Variants in NRG3 observed in about 807,000 individuals in gnomAD.
NRG3 encodes pro-neuregulin-3, membrane-bound isoform.
NRG3 carries 31 observed loss-of-function variants against 66.9 expected under a neutral mutation model. That is an observed-to-expected ratio of 0.46 (90% CI 0.35 to 0.63). The LOEUF (loss-of-function observed/expected upper bound fraction) is 0.63, where lower values mean the gene tolerates loss of function less well. Among genes scored for constraint, NRG3 ranks in the 20% least tolerant of loss-of-function variants. The pLI, the probability that NRG3 is intolerant of heterozygous loss-of-function variation, is 0.00. For synonymous variants in NRG3, 393 were observed against 359.4 expected (o/e 1.09, Z -1.06); for missense variants, 910 against 878.9 (o/e 1.04, Z -0.45).
intron 4 of NRG3, among the ~76,000 whole-genome samples, chr10:82,883,294 A>G (rs1178788897): frequency 6.6e-6 from 1 of 152,114 alleles, no homozygotes; most frequent in Non-Finnish European, 1.5e-5. Flanking sequence ...TAAATGATAT[A>G]TTATTATTAA....
intron 3 of NRG3, among the ~76,000 whole-genome samples, chr10:82,826,722 C>T (rs775187468): frequency 6.6e-6 from 1 of 151,932 alleles, no homozygotes; most frequent in Non-Finnish European, 1.5e-5. Context: ...TGCACATGGA[C>T]GCAAAGATGG....
chr10:82,897,734 G>A (rs1298918556), intron 4 of NRG3, among the ~76,000 whole-genome samples: 5 of 152,042 alleles, frequency 3.3e-5, no homozygotes, highest in Non-Finnish European at 7.4e-5. Flanking sequence ...TGGCCAGACT[G>A]GTCTCGAACT....
rs377761800 is a variant in NRG3 at position 82,712,639 on chromosome 10, G to A, written c.954-25938G>A. ...CAGAGAGGCTGGATGCTCGCAATGGGAGTCAGATGGCAAAGTTAAAGATGC... is the reference window on the plus strand; with the variant it reads ...CAGAGAGGCTGGATGCTCGCAATGGAAGTCAGATGGCAAAGTTAAAGATGC... On this transcript the variant is annotated intron_variant, in intron 2 of 8. Transcript: ENST00000372141. Among the ~76,000 whole-genome samples the A allele has an allele frequency of 3.2e-4, 48 of 152,240 alleles. No homozygotes were observed. The South Asian group carries it at 7.7e-3, about 24-fold the overall frequency.
intron 4 of NRG3, among the ~76,000 whole-genome samples, chr10:82,885,753 G>T (rs1161676447): frequency 6.6e-6 from 1 of 152,152 alleles, no homozygotes; most frequent in Non-Finnish European, 1.5e-5. Context: ...TTTGAGACGG[G>T]GTTTCACCGT....
intron 1 of NRG3, among the ~76,000 whole-genome samples, chr10:81,946,282 G>A (rs748718701): frequency 3.9e-5 from 6 of 152,126 alleles, no homozygotes; most frequent in African/African-American, 7.2e-5. Flanking sequence ...CTCCCAAAGT[G>A]CTGGGATTAC....
At chr10:82,434,614 A>T (rs2090016891) in intron 2 of NRG3, among the ~76,000 whole-genome samples, 2 of 152,184 alleles carry the variant, frequency 1.3e-5, no homozygotes, top group South Asian at 2.1e-4. Context: ...ATTTTGAGAT[A>T]TGTTCCATCA....
intron 3 of NRG3, among the ~76,000 whole-genome samples, chr10:82,860,272 T>G (rs2064052945): frequency 6.6e-6 from 1 of 152,152 alleles, no homozygotes; most frequent in African/African-American, 2.4e-5. Flanking sequence ...ATCAATAAAC[T>G]AGGGGTGAGA....
intron 2 of NRG3, among the ~76,000 whole-genome samples, chr10:82,696,276 C>A (rs753470405): frequency 1.3e-5 from 2 of 152,042 alleles, no homozygotes; most frequent in African/African-American, 4.8e-5. Context: ...GAGACCATCA[C>A]GGTAGTGAAA....
intron 3 of NRG3, among the ~76,000 whole-genome samples, chr10:82,792,788 C>T (rs1333081128): frequency 6.6e-6 from 1 of 152,128 alleles, no homozygotes; most frequent in Non-Finnish European, 1.5e-5. Context: ...TCAAGCCATT[C>T]TCCTGCCTCA....
intron 3 of NRG3, among the ~76,000 whole-genome samples, chr10:82,832,439 G>C (rs2062573062): frequency 6.6e-6 from 1 of 152,134 alleles, no homozygotes; most frequent in Non-Finnish European, 1.5e-5. Context: ...TCATTCTGTA[G>C]TGGTGGGAGT....
intron 4 of NRG3, among the ~76,000 whole-genome samples, chr10:82,907,833 A>T (rs1433099940): frequency 6.6e-6 from 1 of 152,212 alleles, no homozygotes; most frequent in Non-Finnish European, 1.5e-5. Flanking sequence ...TGAAGTCTAC[A>T]TGTGTAGAGC....
At chr10:82,254,349 G>A (rs947041263) in intron 1 of NRG3, among the ~76,000 whole-genome samples, 1 of 152,132 alleles carries the variant, frequency 6.6e-6, no homozygotes, top group African/African-American at 2.4e-5. Flanking sequence ...CTAATTTCCT[G>A]AGTGGCACAA....
At chr10:82,568,572 C>A (rs2045552642) in intron 2 of NRG3, among the ~76,000 whole-genome samples, 1 of 151,762 alleles carries the variant, frequency 6.6e-6, no homozygotes, top group South Asian at 2.1e-4. Context: ...GTTTCATGGT[C>A]ATCCCATCAT....
In NRG3 at chr10:82,564,511, C is replaced by G. The variant is rs114352578; in HGVS notation, c.954-174066C>G. ...CCCTGTACCATTTATTTGCTGGTTA[C>G]CAGTTCCTCCTCTCTGATATGTGGT... On this transcript the variant is annotated intron_variant, in intron 2 of 8. Transcript: ENST00000372141. Among the ~76,000 whole-genome samples, 433 of 152,200 alleles carry G rather than the reference C, an allele frequency of 2.8e-3. 2 individuals carry two copies. Among genetic ancestry groups the G allele is most frequent in the African/African-American group, 0.01 (426 of 41,540 alleles).
chr10:82,948,855 A>G (rs570873012), intron 4 of NRG3, among the ~76,000 whole-genome samples: 1 of 152,286 alleles, frequency 6.6e-6, no homozygotes, highest in African/African-American at 2.4e-5. Context: ...TTGTTTGCAA[A>G]CAAAGACAAC....
chr10:82,362,331 ATATGTGTGTG>A (rs1304039065), intron 2 of NRG3, among the ~76,000 whole-genome samples: 2 of 123,774 alleles, frequency 1.6e-5, no homozygotes, highest in African/African-American at 7.6e-5. Flanking sequence ...GTGTATATAT[ATATGTGTGTG>A]TGTGTGTGTG....
chr10:82,241,770 T>A (rs2077016577), intron 1 of NRG3, among the ~76,000 whole-genome samples: 1 of 152,196 alleles, frequency 6.6e-6, no homozygotes, highest in African/African-American at 2.4e-5. Flanking sequence ...ATGGAATATT[T>A]TGGCATTAAA....
intron 2 of NRG3, among the ~76,000 whole-genome samples, chr10:82,568,213 A>G (rs933554361): frequency 3.3e-5 from 5 of 151,842 alleles, no homozygotes; most frequent in African/African-American, 1.2e-4. Context: ...TAAAGAGGCA[A>G]AGTCATGAAG....
chr10:81,905,430 A>G (rs889591241), intron 1 of NRG3, among the ~76,000 whole-genome samples: 1 of 152,202 alleles, frequency 6.6e-6, no homozygotes, highest in Non-Finnish European at 1.5e-5. Flanking sequence ...TGAGTTGGGA[A>G]GTTCTCTATT....
Sources: gnomAD v4.1 joint callset for allele counts (sites outside exome capture counted in the v4.1 genomes callset) on GRCh38, gnomAD v4.1.1 for gene constraint, MANE v1.5 for transcripts, NCBI Gene and HGNC (gene_info 2026-07-23, HGNC 2026-07-21) for gene names.